SRCIN1: variants seen among roughly 807,000 people sequenced by gnomAD.
SRCIN1 encodes the protein P130Cas-associated protein.
In SRCIN1, 50 loss-of-function variants were observed where a neutral mutation model predicts 116.2. The observed-to-expected ratio is 0.43, with a 90% CI of 0.34 to 0.54. The LOEUF (loss-of-function observed/expected upper bound fraction) is 0.54. Among genes scored for constraint, SRCIN1 ranks in the 20% least tolerant of loss-of-function variants. The probability of loss-of-function intolerance (pLI) is 0.02; values close to 1 mark genes in which losing one functional copy is unlikely to be tolerated. For synonymous variants in SRCIN1, 736 were observed against 750.0 expected (o/e 0.98, Z 0.30); for missense variants, 1,446 against 1,672.0 (o/e 0.86, Z 2.36).
chr17:38,545,467 G>A (rs1335272784), intron 17 of SRCIN1: 1 of 152,886 alleles, frequency 6.5e-6, no homozygotes, highest in Non-Finnish European at 1.5e-5. Context: ...AGCCTGCCGG[G>A]AGAAGGAAGA....
In SRCIN1 at chr17:38,562,867, G is replaced by C; in HGVS notation, c.794C>G (p.Ala265Gly). 6.2e-7 allele frequency: 1 copy of C among 1,613,836 alleles called. No homozygotes were observed. Among genetic ancestry groups the C allele is most frequent in the Non-Finnish European group, 8.5e-7 (1 of 1,179,822 alleles). Residue 265 changes from alanine (A) to glycine (G), a missense_variant, in exon 6 of 19, where the codon GCT (alanine) becomes GGT (glycine). Around this residue, in one of 5 missense-constraint regions of SRCIN1, gnomAD observed 239 missense variants for 317.7 expected, o/e 0.75. Coordinates refer to ENST00000617146, the MANE Select transcript of SRCIN1 (RefSeq NM_025248.3). The surrounding 1 kb of genome is among the most constrained non-coding windows in gnomAD (Gnocchi z 4.2). ...IKIYRKEPLY[A>G]AFPGSHLTNG... The stretch of plus-strand genomic sequence containing the variant: ...GGTGAGATGTGAGCCAGGGAAGGCA[G>C]CGTAGAGGGGCTCCTTTCTGTAGAT...
intron 10 of SRCIN1, chr17:38,559,110 C>A (rs764632981): frequency 5.2e-5 from 9 of 172,970 alleles, no homozygotes; most frequent in Non-Finnish European, 1.1e-4. Context: ...TCGGCGATGC[C>A]AAGCTCCTGA....
At chr17:38,593,703 A>C (rs1908566058) in intron 1 of SRCIN1, among the ~76,000 whole-genome samples, 1 of 152,146 alleles carries the variant, frequency 6.6e-6, no homozygotes, top group Non-Finnish European at 1.5e-5. Context: ...CATTATTACC[A>C]GTGATGATTT....
rs758321220 is a variant in SRCIN1, at chr17:38,552,016, C to T, written c.2597G>A (p.Ser866Asn). The change falls in exon 14 of 19, where the codon AGC becomes AAC. Residue 866 changes from serine to asparagine, a missense_variant. By Grantham distance (46) the Ser-to-Asn change is conservative. Transcript: ENST00000617146. This position sits in a 1 kb window ranked among gnomAD's most constrained non-coding sequence, Gnocchi z 5.3. The part of the protein sequence containing the change: ...KSVDFEMPPP[S>N]PPLNLHELSG... ...CAGCTCATGCAGGTTCAGCGGGGGG[C>T]TGGGGGGTGGCATTTCGAAGTCCAC... 37 of 1,613,766 alleles carry T rather than the reference C, an allele frequency of 2.3e-5. No homozygotes were observed. In the East Asian group the frequency reaches 4.0e-4, roughly 17 times the overall value.
At chr17:38,543,630 A>G (rs1904884973) in intron 18 of SRCIN1, among the ~76,000 whole-genome samples, 193 bp downstream of exon 18, 1 of 152,196 alleles carries the variant, frequency 6.6e-6, no homozygotes, top group Non-Finnish European at 1.5e-5. Flanking sequence ...ATCTAGATCC[A>G]AAGCTCCGGG....
chr17:38,592,657 T>C (rs1309011844), intron 1 of SRCIN1, among the ~76,000 whole-genome samples: 2 of 152,194 alleles, frequency 1.3e-5, no homozygotes, highest in East Asian at 1.9e-4. Flanking sequence ...AAATAAGGTG[T>C]GTAAAGTATC....
In SRCIN1 at chr17:38,548,689, C is replaced by G; in HGVS notation, c.3138G>C (p.Leu1046=). 1 of 1,607,536 alleles carries G rather than the reference C, an allele frequency of 6.2e-7. No individual in the cohort carries two copies. The highest frequency in any genetic ancestry group is 8.5e-7 in the Non-Finnish European group (1 of 1,177,724). ...GCTTCACCTGGGGCTTCTGCACCTC[C>G]AGCTCCTCGGACTCAGCCTTCTGCA... ...AFIKKAESEE[L]EVQKPQVKLR... Residue 1046 remains leucine, a synonymous_variant, in exon 17 of 19, where the codon CTG becomes CTC. Transcript: ENST00000617146.
intron 2 of SRCIN1, among the ~76,000 whole-genome samples, chr17:38,571,667 C>T (rs958221996): frequency 6.6e-6 from 1 of 152,138 alleles, no homozygotes; most frequent in African/African-American, 2.4e-5. Context: ...GAGACCCCGG[C>T]AGGGGCAACC....
intron 18 of SRCIN1, among the ~76,000 whole-genome samples, chr17:38,540,488 C>T (rs1223138631): frequency 6.7e-6 from 1 of 150,104 alleles, no homozygotes; most frequent in Non-Finnish European, 1.5e-5. Context: ...GAGCTCAGGA[C>T]CAGGCTGGAT....
In SRCIN1 at chr17:38,530,821, C is replaced by T. The variant is rs1179514027; in HGVS notation, c.*2476G>A. 6.6e-6 allele frequency: 1 copy of T among 152,346 alleles called. No individual in the cohort carries two copies. The highest frequency in any genetic ancestry group is 1.9e-4 in the East Asian group (1 of 5,182). 9.4% of individuals were successfully genotyped at this position (152,346 alleles called of 1,614,324 possible). On this transcript the variant is annotated 3_prime_UTR_variant, in exon 19 of 19. Coordinates refer to ENST00000617146, the MANE Select transcript of SRCIN1 (RefSeq NM_025248.3). ...CATGCAGGTAGGCACGTGCCAATGCCCAAACAGGTTACATGCACCTATGTG... is the reference window on the plus strand; with the variant it reads ...CATGCAGGTAGGCACGTGCCAATGCTCAAACAGGTTACATGCACCTATGTG...
intron 1 of SRCIN1, among the ~76,000 whole-genome samples, chr17:38,600,766 C>G (rs1008710840): frequency 9.9e-5 from 15 of 152,256 alleles, no homozygotes; most frequent in Non-Finnish European, 1.8e-4. Context: ...TTGGTGAATT[C>G]ACCCACCACT....
At position 38,530,102 on chromosome 17, in the gene SRCIN1, G is replaced by A. The variant is rs551730693; in HGVS notation, c.*3195C>T. ...AAAAACTGAAAAGGAAAGAGAGCAGGGAGCGGGGGAGAAGAAAAAAGGACA... is the reference window on the plus strand; with the variant it reads ...AAAAACTGAAAAGGAAAGAGAGCAGAGAGCGGGGGAGAAGAAAAAAGGACA... On this transcript the variant is annotated 3_prime_UTR_variant, in exon 19 of 19. Transcript: ENST00000617146. 6.6e-6 allele frequency: 1 copy of A among 152,364 alleles called. No homozygotes were observed. Among genetic ancestry groups the A allele is most frequent in the East Asian group, 1.9e-4 (1 of 5,196 alleles). 9.4% of individuals were successfully genotyped at this position (152,364 alleles called of 1,614,324 possible). A position where few individuals can be genotyped will look rare whatever the true frequency, so the allele number is the denominator to read the frequency against.
At chr17:38,539,733 T>C (rs1324789339) in intron 18 of SRCIN1, among the ~76,000 whole-genome samples, 1 of 152,070 alleles carries the variant, frequency 6.6e-6, no homozygotes, top group African/African-American at 2.4e-5. Context: ...GTCCTTTCAT[T>C]AAAGTCTCTT....
Position 38,552,345 on chromosome 17 carries a change from C to A in SRCIN1, c.2480+102G>T. 6.8e-7 allele frequency: 1 copy of A among 1,476,570 alleles called. No individual in the cohort carries two copies. Among genetic ancestry groups the A allele is most frequent in the Non-Finnish European group, 9.0e-7 (1 of 1,111,232 alleles). The allele number at this position is 1,476,570 out of a possible 1,614,324, so 91.5% of individuals were successfully genotyped here. ...CTGAGGTGCCAGTCCAGTCGGCACG[C>A]CAGTGACCTTTGGGGGAGTTGGGGT... is the stretch of plus-strand genomic sequence containing the variant. On this transcript the variant is annotated intron_variant, in intron 13 of 18. Transcript: ENST00000617146. This position sits in a 1 kb window ranked among gnomAD's most constrained non-coding sequence, Gnocchi z 5.3.
Position 38,559,696 on chromosome 17 carries a change from G to C in SRCIN1, c.1914C>G (p.Pro638=). 1 of 1,592,872 alleles carries C rather than the reference G, an allele frequency of 6.3e-7. No homozygotes were observed. The highest frequency in any genetic ancestry group is 8.5e-7 in the Non-Finnish European group (1 of 1,175,574). The change falls in exon 10 of 19, where the codon CCC becomes CCG. Residue 638 remains proline (P), a synonymous_variant. Coordinates refer to ENST00000617146, the MANE Select transcript of SRCIN1 (RefSeq NM_025248.3). ...GGCTAACGGCGGTAGGCTGACCTGC[G>C]GGGGTGCTGCTGGCCGAGGGCGGGG... ...GPPPPSASST[P]AGQPTAVSRL...
At chr17:38,595,670 G>C (rs1186034116) in intron 1 of SRCIN1, among the ~76,000 whole-genome samples, 6 of 152,120 alleles carry the variant, frequency 3.9e-5, no homozygotes, top group African/African-American at 1.2e-4. Context: ...CTGGAACATG[G>C]GCTTCCCCCC....
At chr17:38,593,716 T>C (rs113583040) in intron 1 of SRCIN1, among the ~76,000 whole-genome samples, 199 of 152,252 alleles carry the variant, frequency 1.3e-3, no homozygotes, top group Admixed American at 2.1e-3. Flanking sequence ...GATGATTTTT[T>C]TTCTCAAAAC....
At position 38,548,568 on chromosome 17, in the gene SRCIN1, C is replaced by T. The variant is rs781170759; in HGVS notation, c.3259G>A (p.Ala1087Thr). 9 of 1,611,516 alleles carry T rather than the reference C, an allele frequency of 5.6e-6. No homozygotes were observed. Among genetic ancestry groups the T allele is most frequent in the Admixed American group, 5.0e-5 (3 of 59,990 alleles). ...KDEDDEDRII[A>T]ELESGGGSVP... Reference sequence around the variant, plus strand: ...GTGCCCTGACCTACCTCTAGCTCTGCGATGATGCGATCCTCGTCATCCTCG... The same window carrying T: ...GTGCCCTGACCTACCTCTAGCTCTGTGATGATGCGATCCTCGTCATCCTCG... Residue 1087 changes from alanine (A) to threonine (T), a missense_variant, in exon 17 of 19, where the codon GCA becomes ACA. Transcript: ENST00000617146.
At chr17:38,589,537 A>G (rs1260308191) in intron 1 of SRCIN1, among the ~76,000 whole-genome samples, 1 of 152,196 alleles carries the variant, frequency 6.6e-6, no homozygotes, top group African/African-American at 2.4e-5. Context: ...CTTAAAATAC[A>G]GGAGTCAGCC....
Sources: allele counts gnomAD v4.1 joint callset (sites outside exome capture counted in the v4.1 genomes callset), GRCh38; gene constraint gnomAD v4.1.1; regional missense constraint gnomAD v4.1.1; non-coding constraint Gnocchi (gnomAD v3.1); transcripts MANE v1.5; gene names NCBI Gene and HGNC (gene_info 2026-07-23, HGNC 2026-07-21).